KIF7: variants seen among roughly 807,000 people sequenced by gnomAD.
The protein encoded by KIF7 is kinesin family member 7.
In KIF7, 104 loss-of-function variants were observed where a neutral mutation model predicts 135.7. The observed-to-expected ratio is 0.77, with a 90% CI of 0.65 to 0.90. The LOEUF (loss-of-function observed/expected upper bound fraction) is 0.90. Ranked by LOEUF, KIF7 falls within the 40% of genes least tolerant of loss-of-function variation. The probability of loss-of-function intolerance (pLI) is 0.00; values close to 1 mark genes in which losing one functional copy is unlikely to be tolerated. For synonymous variants in KIF7, 883 were observed against 809.4 expected (o/e 1.09, Z -1.54); for missense variants, 2,005 against 1,839.1 (o/e 1.09, Z -1.65).
At chr15:89,662,614 T>G in the KIF7 span, among the ~76,000 whole-genome samples, 1 of 152,198 alleles carries the variant, frequency 6.6e-6, no homozygotes, top group Admixed American at 6.5e-5. Flanking sequence ...TTTTGTAAGC[T>G]AGGATGGAAG....
intron 10 of KIF7, among the ~76,000 whole-genome samples, chr15:89,643,269 A>G (rs1963954357): frequency 6.6e-6 from 1 of 152,244 alleles, no homozygotes; most frequent in Non-Finnish European, 1.5e-5. Context: ...TTTTCTTATC[A>G]TCATTACCTA....
At chr15:89,618,069 G>C in exon 2 of KIF7, 3 of 1,359,142 alleles carry the variant, frequency 2.2e-6, no homozygotes, top group Non-Finnish European at 1.1e-6. Flanking sequence ...TTGTGATCTT[G>C]TTAAGTGAGA....
intron 11 of KIF7, among the ~76,000 whole-genome samples, chr15:89,640,078 T>A (rs1963889128): frequency 6.9e-6 from 1 of 144,048 alleles, no homozygotes; most frequent in Non-Finnish European, 1.5e-5. Flanking sequence ...CACTCACAGG[T>A]GGGGGTGGAA....
chr15:89,625,962 G>C (rs138294313), downstream of KIF7: 1 of 1,596,176 alleles, frequency 6.3e-7, no homozygotes, highest in Non-Finnish European at 8.5e-7. Context: ...CAGCTGTGCC[G>C]TGCGGAGCTG....
chr15:89,633,820 G>A lies in KIF7; in HGVS notation c.2458C>T (p.Arg820Ter), dbSNP rs150595682. Residue 820 changes from arginine (R) to a stop codon, truncating the protein, a stop_gained, in exon 12 of 19, where the codon CGA becomes TGA. Transcript: ENST00000394412. LOFTEE classifies it high-confidence loss of function. The stretch of plus-strand genomic sequence containing the variant: ...ACGTTCCGCTCGAGCTCCTGCAGTC[G>A]CTTCTCACTCTGGGCCGACAGTGAC... ...LVSLSAQSEKRLQELERNVQL... is the reference protein window; with the variant it reads ...LVSLSAQSEK The A allele has an allele frequency of 6.2e-6, 10 of 1,612,910 alleles. No individual in the cohort carries two copies. The highest frequency in any genetic ancestry group is 2.7e-5 in the African/African-American group (2 of 74,936).
chr15:89,640,082 G>A (rs8031082), intron 11 of KIF7, among the ~76,000 whole-genome samples: 129,486 of 150,972 alleles, frequency 0.86, 55,869 homozygotes, highest in Non-Finnish European at 0.92. Context: ...CACAGGTGGG[G>A]GTGGAACAAT....
At position 89,652,735 on chromosome 15, in the gene KIF7, C is replaced by G. The variant is rs532675934; in HGVS notation, c.196G>C (p.Gly66Arg). 1 of 1,551,620 alleles carries G rather than the reference C, an allele frequency of 6.4e-7. No homozygotes were observed. Among genetic ancestry groups the G allele is most frequent in the Non-Finnish European group, 8.7e-7 (1 of 1,146,984 alleles). Residue 66 changes from glycine (G) to arginine (R), a missense_variant, in exon 2 of 19, where the codon GGG (glycine) becomes CGG (arginine). By Grantham distance (125) the Gly-to-Arg change is moderately radical (BLOSUM62 -2). Coordinates refer to ENST00000394412, the MANE Select transcript of KIF7 (RefSeq NM_198525.3). ...GFHVVLAEDAGQEAVYQACVQ... is the reference protein window; with the variant it reads ...GFHVVLAEDARQEAVYQACVQ... ...CAGGCCTGGTACACGGCCTCCTGCCCCGCATCCTCGGCCAGCACCACGTGG... is the reference window on the plus strand; with the variant it reads ...CAGGCCTGGTACACGGCCTCCTGCCGCGCATCCTCGGCCAGCACCACGTGG...
Position 89,649,017 on chromosome 15 carries a change from G to T in KIF7, c.880C>A (p.Arg294Ser), listed in dbSNP as rs1964075349. ...NVISALGDPQRRGSHIPYRDS... is the reference protein window; with the variant it reads ...NVISALGDPQSRGSHIPYRDS... ...CGGTAGGGTATGTGGCTGCCCCGGC[G>T]CTGAGGGTCCCCCAGGGCGCTGATG... Residue 294 changes from arginine (R) to serine (S), a missense_variant, in exon 4 of 19, where the codon CGC becomes AGC. Coordinates refer to ENST00000394412, the MANE Select transcript of KIF7 (RefSeq NM_198525.3). 3 of 1,547,600 alleles carry T rather than the reference G, an allele frequency of 1.9e-6. No individual in the cohort carries two copies. Among genetic ancestry groups the T allele is most frequent in the Non-Finnish European group, 2.6e-6 (3 of 1,146,478 alleles).
intron 10 of KIF7, among the ~76,000 whole-genome samples, chr15:89,643,298 C>G (rs1028545150): frequency 4.6e-5 from 7 of 152,180 alleles, no homozygotes; most frequent in Admixed American, 3.9e-4. Flanking sequence ...AGTAAAACAA[C>G]TATTTACCCA....
chr15:89,624,827 T>A, downstream of KIF7: 2 of 1,614,158 alleles, frequency 1.2e-6, no homozygotes, highest in Non-Finnish European at 8.5e-7. Flanking sequence ...CACCCTGGGA[T>A]TCCCCCATCT....
intron 15 of KIF7, chr15:89,631,116 A>G (rs1304098517): frequency 3.8e-6 from 1 of 265,256 alleles, no homozygotes; most frequent in Non-Finnish European, 7.3e-6. Flanking sequence ...GACTATAGTC[A>G]CATAGGCTTT....
At chr15:89,655,666 A>T (rs1297080370), upstream of KIF7, among the ~76,000 whole-genome samples, 1 of 151,788 alleles carries the variant, frequency 6.6e-6, no homozygotes, top group Admixed American at 6.6e-5. Context: ...TATTTTCTAG[A>T]ATTTGTCTCC....
At chr15:89,647,290 G>T (rs761582307) in intron 6 of KIF7, among the ~76,000 whole-genome samples, 121 of 152,100 alleles carry the variant, frequency 8.0e-4, no homozygotes, top group Non-Finnish European at 1.5e-3. Context: ...CGCCACCAGA[G>T]GGCGCCAGGA....
upstream of KIF7, among the ~76,000 whole-genome samples, chr15:89,659,514 AG>A (rs1964238324): frequency 6.7e-6 from 1 of 149,264 alleles, no homozygotes; most frequent in Non-Finnish European, 1.5e-5. Flanking sequence ...GGAAGGAAGG[AG>A]GGAGGCAGGG....
In KIF7 at chr15:89,629,527, G is replaced by C. The variant is rs202195179; in HGVS notation, c.3365C>G (p.Ser1122Trp). The C allele has an allele frequency of 3.3e-5, 53 of 1,610,500 alleles. No individual in the cohort carries two copies. The highest frequency in any genetic ancestry group is 1.2e-4 in the Admixed American group (7 of 60,026). ...CTCCTCCAGCTGCATCTCCAGTTCCGAGAAGGCAATCTGCTGCTGGTGCTG... is the reference window on the plus strand; with the variant it reads ...CTCCTCCAGCTGCATCTCCAGTTCCCAGAAGGCAATCTGCTGCTGGTGCTG... ...EEQHQQQIAF[S>W]ELEMQLEEQQ... Residue 1122 changes from serine to tryptophan, a missense_variant, in exon 17 of 19, where the codon TCG becomes TGG. Coordinates refer to ENST00000394412, the MANE Select transcript of KIF7 (RefSeq NM_198525.3).
At chr15:89,629,827 G>A (rs1963633237) in intron 16 of KIF7, 1 of 581,758 alleles carries the variant, frequency 1.7e-6, no homozygotes, top group Non-Finnish European at 3.1e-6. Context: ...TATGGAGCTG[G>A]GCAGAGCGTC....
At chr15:89,656,764 G>A (rs78277126), upstream of KIF7, among the ~76,000 whole-genome samples, 19 of 152,270 alleles carry the variant, frequency 1.2e-4, no homozygotes, top group East Asian at 2.1e-3. Context: ...AAAACCTCGA[G>A]CAATTGGAAA....
upstream of KIF7, among the ~76,000 whole-genome samples, chr15:89,656,837 T>C (rs151265361): frequency 6.6e-6 from 1 of 152,242 alleles, no homozygotes; most frequent in East Asian, 1.9e-4. Flanking sequence ...TCCCAAATAT[T>C]CTAAATCAAT....
intron 2 of KIF7, chr15:89,618,023 C>T: frequency 2.1e-6 from 2 of 945,936 alleles, no homozygotes; most frequent in Non-Finnish European, 3.4e-6. Context: ...TATGAGAGCC[C>T]TTTACCAGCA....
Sources: allele counts gnomAD v4.1 joint callset (sites outside exome capture counted in the v4.1 genomes callset), GRCh38; gene constraint gnomAD v4.1.1; transcripts MANE v1.5; gene names NCBI Gene and HGNC (gene_info 2026-07-23, HGNC 2026-07-21).